ABCA8: variants seen among roughly 807,000 people sequenced by gnomAD.
ABCA8 encodes ABC-type organic anion transporter ABCA8.
Under a neutral mutation model 192.3 loss-of-function variants are expected in ABCA8, and 177 were observed. The observed-to-expected ratio is 0.92, with a 90% CI of 0.81 to 1.04. The LOEUF is 1.04. Ranked by LOEUF, ABCA8 falls within the 50% of genes least tolerant of loss-of-function variation. The probability of loss-of-function intolerance (pLI) is 0.00; values close to 1 mark genes in which losing one functional copy is unlikely to be tolerated. For synonymous variants in ABCA8, 642 were observed against 690.2 expected (o/e 0.93, Z 1.09); for missense variants, 1,915 against 1,904.8 (o/e 1.01, Z -0.10).
At position 68,881,119 on chromosome 17, in the gene ABCA8, C is replaced by T. The variant is rs1052778692; in HGVS notation, c.4038+1G>A. 3 of 1,602,482 alleles carry T rather than the reference C, an allele frequency of 1.9e-6. No homozygotes were observed. Among genetic ancestry groups the T allele is most frequent in the Non-Finnish European group, 2.6e-6 (3 of 1,169,632 alleles). On this transcript the variant is annotated splice_donor_variant, in intron 32 of 39. Transcript: ENST00000586539. LOFTEE classifies it high-confidence loss of function. ...ACATATTTTCCACATAATTCACCTA[C>T]TTGTCCAGCAGTTGGTTTTGTGTCT...
intron 16 of ABCA8, 82 bp from the exon 17 acceptor site, chr17:68,917,533 A>G (rs1233609447): frequency 1.0e-6 from 1 of 954,056 alleles, no homozygotes; most frequent in East Asian, 2.5e-5. Flanking sequence ...AATCATCTAT[A>G]TAATCAAACT....
intron 32 of ABCA8, chr17:68,880,139 G>A (rs2066298119): frequency 6.6e-6 from 1 of 152,204 alleles, no homozygotes; most frequent in African/African-American, 2.4e-5. Context: ...TGGACCAAAT[G>A]GCACACACTT....
At chr17:68,922,139 T>G (rs1016564601) in intron 12 of ABCA8, 103 bp downstream of exon 12, 2 of 796,196 alleles carry the variant, frequency 2.5e-6, no homozygotes, top group Non-Finnish European at 3.4e-6. Context: ...AAAGCAAAAC[T>G]GAATTAAAAT....
At position 68,894,189 on chromosome 17, in the gene ABCA8, C is replaced by A. The variant is rs758123773; in HGVS notation, c.3020G>T (p.Arg1007Ile). The stretch of plus-strand genomic sequence containing the variant: ...TATATTTACCTCCAAAAATGTACTT[C>A]TTTCAGTTCGGATATGTACTGATGG... Reference protein sequence around the residue: ...VKPSVHIRTERSTFLENGQDN... With the variant: ...VKPSVHIRTEISTFLENGQDN... The change falls in exon 23 of 40, where the codon AGA becomes ATA. Residue 1007 changes from arginine to isoleucine, a missense_variant. Arg to Ile is a moderately conservative substitution (Grantham distance 97). Transcript: ENST00000586539. 1 of 1,613,286 alleles carries A rather than the reference C, an allele frequency of 6.2e-7. No homozygotes were observed. Among genetic ancestry groups the A allele is most frequent in the South Asian group, 1.1e-5 (1 of 91,066 alleles).
Position 68,876,475 on chromosome 17 carries a change from C to T in ABCA8, c.4355G>A (p.Gly1452Glu). The change falls in exon 35 of 40, where the codon GGG becomes GAG. Residue 1452 changes from glycine to glutamate, a missense_variant. By Grantham distance (98) the Gly-to-Glu change is moderately conservative. Coordinates refer to ENST00000586539, the MANE Select transcript of ABCA8 (RefSeq NM_001288985.2). The stretch of plus-strand genomic sequence containing the variant: ...TGTTCCTCACCACATTTGCTGCTGC[C>T]CCTCGGGGTCCATCCCGGTCGACGG... ...DEPSTGMDPE[G>E]QQQMWQAIRA... The T allele has an allele frequency of 6.2e-7, 1 of 1,613,964 alleles. No individual in the cohort carries two copies. The highest frequency in any genetic ancestry group is 8.5e-7 in the Non-Finnish European group (1 of 1,179,888).
At chr17:68,925,396 T>C (rs2067670584) in intron 10 of ABCA8, among the ~76,000 whole-genome samples, 2 of 152,228 alleles carry the variant, frequency 1.3e-5, no homozygotes, top group African/African-American at 4.8e-5. Flanking sequence ...ATTTTGTATT[T>C]CTGCTTTATT....
At chr17:68,868,490 C>T in intron 38 of ABCA8, 134 bp from the exon 39 acceptor site, 2 of 744,994 alleles carry the variant, frequency 2.7e-6, no homozygotes, top group South Asian at 2.0e-5. Flanking sequence ...GTCTTAAGTA[C>T]ATCGTTCAGT....
intron 24 of ABCA8, among the ~76,000 whole-genome samples, chr17:68,888,133 G>A (rs1368778104): frequency 6.8e-6 from 1 of 147,734 alleles, no homozygotes; most frequent in African/African-American, 2.5e-5. Flanking sequence ...TCCTTTAATT[G>A]GAATAAAAGA....
intron 22 of ABCA8, chr17:68,894,644 C>A: frequency 1.9e-6 from 1 of 513,778 alleles, no homozygotes; most frequent in South Asian, 3.6e-5. Context: ...ATGAAATGTT[C>A]GAACTTATAT....
At chr17:68,938,089 G>A (rs2068119927) in intron 4 of ABCA8, among the ~76,000 whole-genome samples, 2 of 152,122 alleles carry the variant, frequency 1.3e-5, no homozygotes, top group African/African-American at 4.8e-5. Context: ...ACGTCTCAGG[G>A]CCGTTTAGGA....
intron 23 of ABCA8, among the ~76,000 whole-genome samples, chr17:68,893,076 G>A (rs1309369902): frequency 6.6e-6 from 1 of 152,014 alleles, no homozygotes; most frequent in Non-Finnish European, 1.5e-5. Flanking sequence ...TATGATTATT[G>A]GCCATATATA....
chr17:68,917,248 A>G, intron 17 of ABCA8, 113 bp downstream of exon 17: 4 of 679,620 alleles, frequency 5.9e-6, no homozygotes, highest in Non-Finnish European at 9.5e-6. Context: ...TCTCAAAAAC[A>G]AAACAAAACA....
At position 68,903,378 on chromosome 17, in the gene ABCA8, G is replaced by A. The variant is rs144614574; in HGVS notation, c.2520C>T (p.Leu840=). Residue 840 remains leucine (L), a synonymous_variant, in exon 20 of 40, where the codon CTC becomes CTT. Transcript: ENST00000586539. ...CAATTGCGCAGATTTGCTGTCGCCA[G>A]AGAGCCACACCACCTATTGTCTTTC... ...KMRKTIGGVA[L]WRQQICAIAR... The A allele has an allele frequency of 6.9e-5, 111 of 1,614,080 alleles. No homozygotes were observed. Among genetic ancestry groups the A allele is most frequent in the Non-Finnish European group, 8.7e-5 (103 of 1,180,034 alleles).
chr17:68,940,682 T>G (rs1417426580), intron 4 of ABCA8, 76 bp downstream of exon 4: 2 of 1,327,082 alleles, frequency 1.5e-6, no homozygotes. Flanking sequence ...GAAATACAAA[T>G]TAAATGTATA....
rs1260166645 is a variant in ABCA8 at position 68,881,210 on chromosome 17, A to T, written c.3948T>A (p.Gly1316=). The T allele has an allele frequency of 1.2e-6, 2 of 1,607,894 alleles. No individual in the cohort carries two copies. The highest frequency in any genetic ancestry group is 4.5e-5 in the East Asian group (2 of 44,838). ...TGTGTCCTAATAATCCTAAAACTTCACCTGAAAAAAAGGTTACACTTAATA... is the reference window on the plus strand; with the variant it reads ...TGTGTCCTAATAATCCTAAAACTTCTCCTGAAAAAAAGGTTACACTTAATA... ...TRNVSFCVRK[G]EVLGLLGHNG... is the part of the protein sequence containing the mutation. The change falls in exon 32 of 40, where the codon GGT becomes GGA. Residue 1316 remains glycine (G), a splice_region_variant and synonymous_variant. Coordinates refer to ENST00000586539, the MANE Select transcript of ABCA8 (RefSeq NM_001288985.2).
intron 24 of ABCA8, among the ~76,000 whole-genome samples, chr17:68,889,383 G>T (rs1440241672): frequency 6.6e-6 from 1 of 152,148 alleles, no homozygotes; most frequent in African/African-American, 2.4e-5. Context: ...AGATGCTCAG[G>T]TGATTTGTAA....
At chr17:68,934,316 T>A (rs2067992977) in intron 5 of ABCA8, among the ~76,000 whole-genome samples, 1 of 152,210 alleles carries the variant, frequency 6.6e-6, no homozygotes, top group Admixed American at 6.5e-5. Context: ...AAAAAAAATC[T>A]GCTGCTATAA....
chr17:68,890,436 T>A (rs1201827065), intron 24 of ABCA8, among the ~76,000 whole-genome samples: 1 of 152,256 alleles, frequency 6.6e-6, no homozygotes, highest in Non-Finnish European at 1.5e-5. Context: ...ATATTTTTGA[T>A]ACAAATCTTT....
At chr17:68,876,245 T>C in intron 35 of ABCA8, 1 of 622,416 alleles carries the variant, frequency 1.6e-6, no homozygotes, top group Non-Finnish European at 2.8e-6. Flanking sequence ...CTATGGGCCC[T>C]AACAATGGTA....
Sources: allele counts gnomAD v4.1 joint callset (sites outside exome capture counted in the v4.1 genomes callset), GRCh38; gene constraint gnomAD v4.1.1; transcripts MANE v1.5; gene names NCBI Gene and HGNC (gene_info 2026-07-23, HGNC 2026-07-21).